PACRG: variants seen among roughly 807,000 people sequenced by gnomAD.
PACRG encodes parkin coregulated gene protein.
In PACRG, 29 loss-of-function variants were observed where a neutral mutation model predicts 29.7. That is an observed-to-expected ratio of 0.98 (90% CI 0.73 to 1.33). The LOEUF is 1.33. Ranked by LOEUF, PACRG falls within the 40% of genes most tolerant of loss-of-function variation. The pLI is 0.00. For missense variants in PACRG, 279 were observed against 316.2 expected, an observed-to-expected ratio of 0.88 and a Z score of 0.89; for synonymous variants, 116 against 118.7, an observed-to-expected ratio of 0.98 and a Z score of 0.15.
chr6:163,020,613 A>G (rs1806519266), intron 2 of PACRG, among the ~76,000 whole-genome samples: 1 of 152,116 alleles, frequency 6.6e-6, no homozygotes, highest in Admixed American at 6.5e-5. Context: ...TGGTGCTGCT[A>G]TTTCCCTGCG....
chr6:163,298,794 C>A (rs1004557633), intron 4 of PACRG, among the ~76,000 whole-genome samples: 2 of 152,204 alleles, frequency 1.3e-5, no homozygotes, highest in African/African-American at 2.4e-5. Flanking sequence ...TCTCCGGTAA[C>A]AACGCATTCC....
intron 4 of PACRG, among the ~76,000 whole-genome samples, chr6:163,155,733 C>T (rs945182500): frequency 6.6e-6 from 1 of 152,228 alleles, no homozygotes. Context: ...AAGTCTCATG[C>T]CCATTTCAGA....
intron 2 of PACRG, among the ~76,000 whole-genome samples, chr6:162,886,342 CA>C (rs576403669): frequency 6.6e-5 from 10 of 152,350 alleles, no homozygotes; most frequent in African/African-American, 1.4e-4. Context: ...TTGGCCTTCT[CA>C]TCATCCATCT....
chr6:163,065,319 TCTTA>T (rs1562881793), intron 3 of PACRG, among the ~76,000 whole-genome samples: 2 of 152,172 alleles, frequency 1.3e-5, no homozygotes, highest in Non-Finnish European at 2.9e-5. Flanking sequence ...AGAGCAGCCC[TCTTA>T]CTTGTCTGGA....
At chr6:162,832,945 CTT>C (rs981786242) in intron 2 of PACRG, among the ~76,000 whole-genome samples, 5 of 151,518 alleles carry the variant, frequency 3.3e-5, no homozygotes, top group African/African-American at 4.8e-5. Context: ...AGCAATTTCT[CTT>C]TGTTTTTTAA....
intron 4 of PACRG, among the ~76,000 whole-genome samples, chr6:163,236,147 G>A (rs2128165814): frequency 6.9e-6 from 1 of 144,990 alleles, no homozygotes; most frequent in African/African-American, 2.6e-5. Flanking sequence ...GGCATACCCT[G>A]TATGAACCTC....
At chr6:162,841,299 C>A (rs1342506325) in intron 2 of PACRG, among the ~76,000 whole-genome samples, 2 of 147,080 alleles carry the variant, frequency 1.4e-5, no homozygotes, top group Non-Finnish European at 3.0e-5. Flanking sequence ...TTCAGAGATT[C>A]AACTTCTTCC....
In PACRG at chr6:163,286,713, G is replaced by A. The variant is rs183231568; in HGVS notation, c.614-28114G>A. Among the ~76,000 whole-genome samples the A allele has an allele frequency of 1.4e-4, 22 of 152,214 alleles. No individual in the cohort carries two copies. The East Asian group carries it at 3.7e-3, about 25-fold the overall frequency. On this transcript the variant is annotated intron_variant, in intron 4 of 4. Transcript: ENST00000366888. ...CAGGCTCCTTACTGAGTTCCATATC[G>A]TCCCTTCCTGCTCCCCAAAAGGCTT...
chr6:162,801,676 T>C (rs1785888740), intron 1 of PACRG, among the ~76,000 whole-genome samples: 1 of 152,178 alleles, frequency 6.6e-6, no homozygotes, highest in African/African-American at 2.4e-5. Context: ...CAACCAGATT[T>C]TTCATTTGGA....
intron 4 of PACRG, among the ~76,000 whole-genome samples, chr6:163,239,710 ACACGCACACTCC>A (rs1199584216): frequency 7.7e-6 from 1 of 129,794 alleles, no homozygotes; most frequent in African/African-American, 2.9e-5. Flanking sequence ...ACATACACAC[ACACGCACACTCC>A]CACATACACA....
chr6:163,165,813 C>T, intron 4 of PACRG: 1 of 270,448 alleles, frequency 3.7e-6, no homozygotes, highest in South Asian at 3.5e-5. Flanking sequence ...CTGTGACGGC[C>T]CAGGCGAGGG....
chr6:162,994,654 C>G (rs1273984437), intron 2 of PACRG, among the ~76,000 whole-genome samples: 1 of 141,412 alleles, frequency 7.1e-6, no homozygotes, highest in Admixed American at 6.9e-5. Flanking sequence ...AAATTTTTTT[C>G]AAAGTTTTCA....
At chr6:162,938,287 A>G (rs1798380977) in intron 2 of PACRG, among the ~76,000 whole-genome samples, 1 of 152,134 alleles carries the variant, frequency 6.6e-6, no homozygotes, top group Admixed American at 6.6e-5. Flanking sequence ...CAGTTTCTTT[A>G]TCCACTCGTT....
chr6:162,875,273 CCACACACATTCACA>C (rs1284395260), intron 2 of PACRG, among the ~76,000 whole-genome samples: 1,718 of 147,610 alleles, frequency 0.012, 37 homozygotes, highest in African/African-American at 0.041. Context: ...ACACAGTCAT[CCACACACATTCACA>C]CACACACATG....
chr6:162,838,469 G>A (rs1293207607), intron 2 of PACRG, among the ~76,000 whole-genome samples: 2 of 152,058 alleles, frequency 1.3e-5, no homozygotes, highest in Non-Finnish European at 2.9e-5. Context: ...CAATCACATA[G>A]CCATGAATAA....
chr6:163,294,639 A>G (rs1204494461), intron 4 of PACRG, among the ~76,000 whole-genome samples: 2 of 152,310 alleles, frequency 1.3e-5, no homozygotes, highest in East Asian at 1.9e-4. Flanking sequence ...AATTCTACCA[A>G]TCACAGTGAC....
rs575087125 is a variant in PACRG, at chr6:163,019,243, T to A, written c.292-42907T>A. ...CAACACTCTTTTTCTATCTGCCTAC[T>A]CTTTTAGAAGGGAGGATTGGTCAAG... On this transcript the variant is annotated intron_variant, in intron 2 of 4. Coordinates refer to ENST00000366888, the MANE Select transcript of PACRG (RefSeq NM_001080379.2). Among the ~76,000 whole-genome samples, 5 of 152,332 alleles carry A rather than the reference T, an allele frequency of 3.3e-5. No homozygotes were observed. In the East Asian group the frequency reaches 9.7e-4, roughly 29 times the overall value.
intron 2 of PACRG, among the ~76,000 whole-genome samples, chr6:162,875,043 G>A (rs1793184164): frequency 1.3e-5 from 2 of 151,730 alleles, no homozygotes; most frequent in Admixed American, 1.3e-4. Context: ...ATTCACACAT[G>A]CTTTCACACT....
At chr6:163,103,142 AT>A (rs1354610388) in intron 4 of PACRG, among the ~76,000 whole-genome samples, 18 of 152,232 alleles carry the variant, frequency 1.2e-4, no homozygotes, top group Non-Finnish European at 2.9e-5. Context: ...GCTATGTAAT[AT>A]GATTAGAATC....
Sources: gnomAD v4.1 joint callset for allele counts (sites outside exome capture counted in the v4.1 genomes callset) on GRCh38, gnomAD v4.1.1 for gene constraint, MANE v1.5 for transcripts, NCBI Gene and HGNC (gene_info 2026-07-23, HGNC 2026-07-21) for gene names.